The following CNRIP1 variants were observed in gnomAD, a reference collection of about 807,000 sequenced individuals.
The protein encoded by CNRIP1 is CB1 cannabinoid receptor-interacting protein 1.
CNRIP1 carries 10 observed loss-of-function variants against 15.2 expected under a neutral mutation model. That is an observed-to-expected ratio of 0.66 (90% CI 0.41 to 1.12). The LOEUF (loss-of-function observed/expected upper bound fraction) is 1.12. Among genes scored for constraint, CNRIP1 ranks in the 50% most tolerant of loss-of-function variants. The pLI is 0.00. For synonymous variants in CNRIP1, 91 were observed against 83.2 expected (o/e 1.09, Z -0.51); for missense variants, 211 against 214.7 (o/e 0.98, Z 0.11).
At chr2:68,287,989 C>G (rs999044043) in intron 2 of CNRIP1, among the ~76,000 whole-genome samples, 3 of 152,116 alleles carry the variant, frequency 2.0e-5, no homozygotes, top group African/African-American at 7.2e-5. Context: ...TTTTAGTCTC[C>G]TTTAAAGGGA....
chr2:68,289,865 T>C (rs1270086545), downstream of CNRIP1, among the ~76,000 whole-genome samples: 1 of 152,164 alleles, frequency 6.6e-6, no homozygotes, highest in Non-Finnish European at 1.5e-5. Flanking sequence ...ATTAACTTAT[T>C]TAATCCTCAT....
intron 2 of CNRIP1, among the ~76,000 whole-genome samples, chr2:68,298,132 AGTGGTGGT>A (rs1319369633): frequency 2.0e-5 from 3 of 152,280 alleles, no homozygotes; most frequent in Non-Finnish European, 4.4e-5. Context: ...ACAATAGGTT[AGTGGTGGT>A]ATGTATAAAT....
chr2:68,318,150 T>A (rs1672347546), intron 1 of CNRIP1, among the ~76,000 whole-genome samples: 1 of 152,042 alleles, frequency 6.6e-6, no homozygotes, highest in Admixed American at 6.6e-5. Context: ...CATGGAGCTG[T>A]GGGGGATGCT....
At chr2:68,302,843 A>T (rs1671660278) in intron 2 of CNRIP1, among the ~76,000 whole-genome samples, 1 of 149,922 alleles carries the variant, frequency 6.7e-6, no homozygotes, top group African/African-American at 2.5e-5. Context: ...TGATTTGAAA[A>T]ACTTTTTTTT....
At chr2:68,305,754 C>T (rs560077782) in intron 2 of CNRIP1, among the ~76,000 whole-genome samples, 2 of 149,812 alleles carry the variant, frequency 1.3e-5, no homozygotes, top group Non-Finnish European at 3.0e-5. Flanking sequence ...CGAGATGGCA[C>T]CACTGCACTG....
chr2:68,314,136 A>G (rs1049532571), intron 2 of CNRIP1, among the ~76,000 whole-genome samples: 3 of 152,088 alleles, frequency 2.0e-5, no homozygotes, highest in Non-Finnish European at 2.9e-5. Flanking sequence ...CATATTAGCA[A>G]TTATTTACCT....
rs1005968199 is a variant in CNRIP1, at chr2:68,284,574, G to C, written c.331-90C>G. The C allele has an allele frequency of 1.8e-5, 13 of 729,896 alleles. No individual in the cohort carries two copies. The African/African-American group carries it at 2.3e-4, about 13-fold the overall frequency. 45.2% of individuals were successfully genotyped at this position (729,896 alleles called of 1,614,324 possible). ...CGCCCGTAATCCCAGCACTTTGGGA[G>C]GCCAAGGCAGGCAGATCTCTTGAGG... On this transcript the variant is annotated intron_variant, in intron 2 of 2. Transcript: ENST00000409559.
intron 2 of CNRIP1, among the ~76,000 whole-genome samples, chr2:68,298,800 G>T (rs138681586): frequency 2.0e-3 from 310 of 152,140 alleles, no homozygotes; most frequent in South Asian, 5.8e-3. Flanking sequence ...TTACTACCTA[G>T]CTCATAATTT....
intron 1 of CNRIP1, among the ~76,000 whole-genome samples, chr2:68,318,546 G>A (rs889038944): frequency 6.6e-6 from 1 of 152,182 alleles, no homozygotes; most frequent in Non-Finnish European, 1.5e-5. Flanking sequence ...CTGTGGGGAT[G>A]TTGCTAATCC....
chr2:68,317,076 CAG>C lies in CNRIP1; in HGVS notation c.330+79_330+80del, dbSNP rs747540072. On this transcript the variant is annotated intron_variant, in intron 2 of 2. Transcript: ENST00000263655. ...TTGGCTCCCAACACACCTTTTCTTACAGAGAGATAGTGATTGTTTTCTTTTCT... is the reference window on the plus strand; with the variant it reads ...TTGGCTCCCAACACACCTTTTCTTACAGAGATAGTGATTGTTTTCTTTTCT... The C allele has an allele frequency of 9.0e-6, 14 of 1,550,852 alleles. No individual in the cohort carries two copies. The South Asian group carries it at 1.1e-4, about 12-fold the overall frequency.
At chr2:68,303,519 T>A (rs1671697281) in intron 2 of CNRIP1, among the ~76,000 whole-genome samples, 1 of 152,182 alleles carries the variant, frequency 6.6e-6, no homozygotes, top group South Asian at 2.1e-4. Flanking sequence ...GGGCCTCTGG[T>A]CTTAGCAGGT....
chr2:68,288,067 G>GGCCGGCCAGCCA (rs140034786), downstream of CNRIP1, among the ~76,000 whole-genome samples: 1 of 149,758 alleles, frequency 6.7e-6, no homozygotes, highest in Non-Finnish European at 1.5e-5. Context: ...GCAGCCGGCC[G>GGCCGGCCAGCCA]GCCAGCCAGC....
intron 2 of CNRIP1, among the ~76,000 whole-genome samples, chr2:68,294,734 G>C (rs531993302): frequency 6.6e-6 from 1 of 152,212 alleles, no homozygotes; most frequent in Admixed American, 6.5e-5. Flanking sequence ...ATTAAACATT[G>C]AATACTTATA....
chr2:68,302,720 A>G (rs1297005805), intron 2 of CNRIP1, among the ~76,000 whole-genome samples: 2 of 152,156 alleles, frequency 1.3e-5, no homozygotes, highest in Non-Finnish European at 2.9e-5. Context: ...ACAGCTTAGG[A>G]GACTATACAT....
Position 68,293,635 on chromosome 2 carries a change from C to T in CNRIP1, c.*227G>A, listed in dbSNP as rs1671239970. On this transcript the variant is annotated 3_prime_UTR_variant, in exon 3 of 3. Transcript: ENST00000263655. Reference sequence around the variant, plus strand: ...GAACAACTGGATGCAGGAACATCAGCACAAAATACAGATGGGAATATTCTC... The same window carrying T: ...GAACAACTGGATGCAGGAACATCAGTACAAAATACAGATGGGAATATTCTC... The T allele has an allele frequency of 4.9e-6, 6 of 1,223,128 alleles. No homozygotes were observed. The East Asian group carries it at 1.4e-4, about 28-fold the overall frequency. 75.8% of individuals were successfully genotyped at this position (1,223,128 alleles called of 1,614,324 possible). A position where few individuals can be genotyped will look rare whatever the true frequency, so the allele number is the denominator to read the frequency against.
In CNRIP1 at chr2:68,293,508, T is replaced by C. The variant is rs1485117522; in HGVS notation, c.*354A>G. ...CAAAAAAAAGGAGGAATCACTTAACTTGGAAACAAAACACCAAAGTTAGTC... is the reference window on the plus strand; with the variant it reads ...CAAAAAAAAGGAGGAATCACTTAACCTGGAAACAAAACACCAAAGTTAGTC... On this transcript the variant is annotated 3_prime_UTR_variant, in exon 3 of 3. Transcript: ENST00000263655. The C allele has an allele frequency of 4.0e-6, 4 of 1,008,192 alleles. No homozygotes were observed. The Admixed American group carries it at 1.6e-4, about 41-fold the overall frequency. The allele number at this position is 1,008,192 out of a possible 1,614,324, so 62.5% of individuals were successfully genotyped here.
intron 2 of CNRIP1, among the ~76,000 whole-genome samples, chr2:68,314,096 C>CT (rs1247363906): frequency 2.0e-5 from 3 of 152,090 alleles, no homozygotes; most frequent in Non-Finnish European, 4.4e-5. Flanking sequence ...GGTATATACT[C>CT]TAACAGCACT....
chr2:68,302,909 C>G lies in CNRIP1; in HGVS notation c.331-8883G>C, dbSNP rs1045842173. On this transcript the variant is annotated intron_variant, in intron 2 of 2. Transcript: ENST00000263655. Reference sequence around the variant, plus strand: ...TCGCCCAGGCTGGAGTGCAGTGGTGCGATCTCGGCTCACTGCAGGCTCCGC... The same window carrying G: ...TCGCCCAGGCTGGAGTGCAGTGGTGGGATCTCGGCTCACTGCAGGCTCCGC... 1.0e-4 allele frequency among the ~76,000 whole-genome samples: 14 copies of G among 139,112 alleles called. No individual in the cohort carries two copies. The South Asian group carries it at 2.0e-3, about 20-fold the overall frequency. 91.3% of individuals were successfully genotyped at this position (139,112 alleles called of 152,430 possible).
At chr2:68,313,879 C>A (rs1401052924) in intron 2 of CNRIP1, among the ~76,000 whole-genome samples, 3 of 152,112 alleles carry the variant, frequency 2.0e-5, no homozygotes, top group Admixed American at 6.6e-5. Flanking sequence ...CTACTTACCT[C>A]TCTGGCTTTA....
Sources: allele counts gnomAD v4.1 joint callset (sites outside exome capture counted in the v4.1 genomes callset), GRCh38; gene constraint gnomAD v4.1.1; transcripts MANE v1.5; gene names NCBI Gene and HGNC (gene_info 2026-07-23, HGNC 2026-07-21).